VPS13D: variants seen among roughly 807,000 people sequenced by gnomAD.
VPS13D encodes vacuolar protein sorting 13 homolog D, also known as intermembrane lipid transfer protein VPS13D.
A neutral mutation model predicts 461.9 loss-of-function variants in VPS13D; 187 were observed. That is an observed-to-expected ratio of 0.40 (90% CI 0.36 to 0.46). The LOEUF (loss-of-function observed/expected upper bound fraction) is 0.46, where lower values mean the gene tolerates loss of function less well. Among genes scored for constraint, VPS13D ranks in the 20% least tolerant of loss-of-function variants. VPS13D has a pLI of 0.60. For missense variants in VPS13D, 4,711 were observed against 5,364.9 expected (o/e 0.88, Z 3.81); for synonymous variants, 1,951 against 1,986.3 (o/e 0.98, Z 0.47).
At chr1:12,504,957 G>C (rs553006314) in intron 68 of VPS13D, among the ~76,000 whole-genome samples, 92 of 152,250 alleles carry the variant, frequency 6.0e-4, no homozygotes, top group Admixed American at 3.2e-3. Context: ...GGGGCTGGGG[G>C]CTGGGCAATG....
At chr1:12,350,698 T>A (rs948159906) in intron 46 of VPS13D, among the ~76,000 whole-genome samples, 2 of 151,738 alleles carry the variant, frequency 1.3e-5, no homozygotes, top group Non-Finnish European at 2.9e-5. Flanking sequence ...TCAAAACAAA[T>A]AGGAAAAGGA....
At chr1:12,288,438 A>AGTC in intron 22 of VPS13D, 125 bp downstream of exon 22, 3 of 803,508 alleles carry the variant, frequency 3.7e-6, no homozygotes, top group African/African-American at 1.7e-5. Flanking sequence ...TGTGGTTATT[A>AGTC]GTCTGGCCAG....
intron 67 of VPS13D, among the ~76,000 whole-genome samples, chr1:12,470,351 G>C (rs1204853412): frequency 6.6e-6 from 1 of 152,224 alleles, no homozygotes; most frequent in African/African-American, 2.4e-5. Flanking sequence ...CACAGTTAGA[G>C]TGGTAATAAC....
At chr1:12,390,757 G>A (rs1644413888) in intron 60 of VPS13D, among the ~76,000 whole-genome samples, 1 of 152,194 alleles carries the variant, frequency 6.6e-6, no homozygotes, top group South Asian at 2.1e-4. Flanking sequence ...ATTAAGCACT[G>A]GCTGTAGACA....
At chr1:12,278,825 A>G (rs909343934) in intron 19 of VPS13D, among the ~76,000 whole-genome samples, 3 of 152,220 alleles carry the variant, frequency 2.0e-5, no homozygotes, top group East Asian at 1.9e-4. Context: ...GGGTTGGTCC[A>G]AGGTTCTAAG....
At position 12,282,892 on chromosome 1, in the gene VPS13D, C is replaced by T. The variant is rs1382979745; in HGVS notation, c.4790C>T (p.Ser1597Phe). 6.2e-7 allele frequency: 1 copy of T among 1,614,152 alleles called. No individual in the cohort carries two copies. The highest frequency in any genetic ancestry group is 1.1e-5 in the South Asian group (1 of 91,078). ...ERKENGLFSH[S>F]SLSNTSQKSL... ...AAGGAGAATGGATTGTTCAGCCACT[C>T]CAGCCTTTCTAACACCTCTCAGAAG... Residue 1597 changes from serine to phenylalanine, a missense_variant, in exon 21 of 70, where the codon TCC becomes TTC. Physicochemically the swap from Ser to Phe is radical, Grantham distance 155. Around this residue, in one of 3 missense-constraint regions of VPS13D, gnomAD observed 4,411 missense variants for 4,937.8 expected, o/e 0.89. Coordinates refer to ENST00000620676, the MANE Select transcript of VPS13D (RefSeq NM_015378.4).
At chr1:12,319,854 C>T (rs1642988223) in intron 32 of VPS13D, among the ~76,000 whole-genome samples, 1 of 152,240 alleles carries the variant, frequency 6.6e-6, no homozygotes, top group African/African-American at 2.4e-5. Flanking sequence ...GGACATTTGC[C>T]TCTTTCTCTT....
chr1:12,282,721 A>G lies in VPS13D; in HGVS notation c.4619A>G (p.His1540Arg). Reference sequence around the variant, plus strand: ...TCAATACAGGTGGTGTTAGCAAAGCATGTATATGAGCAGGTTTTACAAACC... The same window carrying G: ...TCAATACAGGTGGTGTTAGCAAAGCGTGTATATGAGCAGGTTTTACAAACC... ...VNPVQVVLAK[H>R]VYEQVLQTLD... Residue 1540 changes from histidine to arginine, a missense_variant, in exon 21 of 70, where the codon CAT becomes CGT. Around this residue, in one of 3 missense-constraint regions of VPS13D, gnomAD observed 4,411 missense variants for 4,937.8 expected, o/e 0.89. Transcript: ENST00000620676. 3.1e-6 allele frequency: 5 copies of G among 1,606,958 alleles called. No individual in the cohort carries two copies. Among genetic ancestry groups the G allele is most frequent in the Non-Finnish European group, 4.3e-6 (5 of 1,174,460 alleles).
At chr1:12,499,919 G>C in intron 68 of VPS13D, 1 of 985,414 alleles carries the variant, frequency 1.0e-6, no homozygotes, top group Non-Finnish European at 1.2e-6. Flanking sequence ...TTTTATCCTA[G>C]ATTTGTAATT....
At chr1:12,289,563 C>CA (rs1553174831) in intron 22 of VPS13D, among the ~76,000 whole-genome samples, 1 of 141,054 alleles carries the variant, frequency 7.1e-6, no homozygotes, top group Non-Finnish European at 1.6e-5. Context: ...AGGAGATTGG[C>CA]TTTTTTTTTT....
chr1:12,334,653 T>G (rs995822642), intron 38 of VPS13D, among the ~76,000 whole-genome samples: 2 of 152,188 alleles, frequency 1.3e-5, no homozygotes, highest in Non-Finnish European at 2.9e-5. Flanking sequence ...TAGTCCCAGC[T>G]ACTCAGGAGG....
At chr1:12,352,871 AG>A (rs1336683198) in intron 46 of VPS13D, among the ~76,000 whole-genome samples, 1 of 146,760 alleles carries the variant, frequency 6.8e-6, no homozygotes, top group Non-Finnish European at 1.5e-5. Flanking sequence ...AGGCTGAGGC[AG>A]GAGAATGGCT....
Position 12,373,800 on chromosome 1 carries a change from G to A in VPS13D, c.10859G>A (p.Cys3620Tyr). The change falls in exon 55 of 70, where the codon TGT (cysteine) becomes TAT (tyrosine). Residue 3620 changes from cysteine to tyrosine, a missense_variant. By Grantham distance (194) the Cys-to-Tyr change is radical (BLOSUM62 -2). Coordinates refer to ENST00000620676, the MANE Select transcript of VPS13D (RefSeq NM_015378.4). Reference sequence around the variant, plus strand: ...GTGGCTTCCAACAAGGCCATTACCTGTGCGGAGCTCGTTTTGGATGTCTCA... The same window carrying A: ...GTGGCTTCCAACAAGGCCATTACCTATGCGGAGCTCGTTTTGGATGTCTCA... ...RPVASNKAITCAELVLDVSPK... is the reference protein window; with the variant it reads ...RPVASNKAITYAELVLDVSPK... 5.0e-6 allele frequency: 8 copies of A among 1,604,974 alleles called. No homozygotes were observed. The highest frequency in any genetic ancestry group is 6.0e-6 in the Non-Finnish European group (7 of 1,175,744).
chr1:12,498,980 G>C (rs903047202), intron 68 of VPS13D, among the ~76,000 whole-genome samples: 5 of 152,180 alleles, frequency 3.3e-5, no homozygotes, highest in African/African-American at 4.8e-5. Flanking sequence ...CACAGCAGGT[G>C]TTGCTAATAG....
Position 12,510,552 on chromosome 1 carries a change from T to TGTGCGC in VPS13D, c.*1530_*1535dup, listed in dbSNP as rs1319636756. 6.6e-6 allele frequency: 1 copy of TGTGCGC among 152,278 alleles called. No individual in the cohort carries two copies. Among genetic ancestry groups the TGTGCGC allele is most frequent in the African/African-American group, 2.5e-5 (1 of 40,284 alleles). 9.4% of individuals were successfully genotyped at this position (152,278 alleles called of 1,614,324 possible). A position where few individuals can be genotyped will look rare whatever the true frequency, so the allele number is the denominator to read the frequency against. On this transcript the variant is annotated 3_prime_UTR_variant, in exon 70 of 70. Coordinates refer to ENST00000620676, the MANE Select transcript of VPS13D (RefSeq NM_015378.4). ...GTGTGTGTGTGTGTGTGTGTGTGTG[T>TGTGCGC]GTGCGCGCGCGCGCGTGCATGCAGA...
In VPS13D at chr1:12,327,838, T is replaced by C. The variant is rs1643230543; in HGVS notation, c.8181T>C (p.Ala2727=). 1 of 1,614,106 alleles carries C rather than the reference T, an allele frequency of 6.2e-7. No homozygotes were observed. The highest frequency in any genetic ancestry group is 2.2e-5 in the East Asian group (1 of 44,888). The part of the protein sequence containing the change: ...DDCMDCDVPL[A]ELTFSRLNFL... ...GCATGGATTGTGATGTTCCTCTCGC[T>C]GAACTCACCTTTTCCCGTGAGTGTT... Residue 2727 remains alanine, a synonymous_variant, in exon 36 of 70, where the codon GCT becomes GCC. Transcript: ENST00000620676.
intron 63 of VPS13D, among the ~76,000 whole-genome samples, chr1:12,408,734 C>T (rs1053983555): frequency 1.3e-5 from 2 of 152,172 alleles, no homozygotes; most frequent in Non-Finnish European, 2.9e-5. Context: ...AGTGACTTCC[C>T]AAGGCACCAA....
intron 66 of VPS13D, among the ~76,000 whole-genome samples, chr1:12,457,874 A>G (rs143829337): frequency 5.6e-4 from 86 of 152,344 alleles, no homozygotes; most frequent in Non-Finnish European, 7.9e-4. Flanking sequence ...CTGTTGGGCA[A>G]TCATTTGGGG....
intron 5 of VPS13D, 82 bp from the exon 6 acceptor site, chr1:12,249,141 T>C (rs879029233): frequency 4.3e-6 from 5 of 1,169,690 alleles, no homozygotes; most frequent in Middle Eastern, 2.2e-4. Flanking sequence ...ACAGCAGTTA[T>C]CTAAATGCTT....
Sources: allele counts gnomAD v4.1 joint callset (sites outside exome capture counted in the v4.1 genomes callset), GRCh38; gene constraint gnomAD v4.1.1; regional missense constraint gnomAD v4.1.1; transcripts MANE v1.5; gene names NCBI Gene and HGNC (gene_info 2026-07-23, HGNC 2026-07-21).